Variants in ANKRD33B observed in about 807,000 individuals in gnomAD.
ANKRD33B encodes the protein ankyrin repeat domain-containing protein 33B.
In ANKRD33B, 6 loss-of-function variants were observed where a neutral mutation model predicts 21.5. The observed-to-expected ratio is 0.28, with a 90% CI of 0.15 to 0.55. ANKRD33B has a LOEUF of 0.55. Ranked by LOEUF, ANKRD33B falls within the 20% of genes least tolerant of loss-of-function variation. The pLI is 0.94. For synonymous variants in ANKRD33B, 347 were observed against 342.4 expected (o/e 1.01, Z -0.15); for missense variants, 698 against 747.2 (o/e 0.93, Z 0.77).
intron 2 of ANKRD33B, among the ~76,000 whole-genome samples, chr5:10,620,747 C>G (rs1107176): frequency 6.6e-6 from 1 of 152,046 alleles, no homozygotes; most frequent in African/African-American, 2.4e-5. Flanking sequence ...CTTGGTGTGT[C>G]CTATCAGGAC....
intron 2 of ANKRD33B, among the ~76,000 whole-genome samples, chr5:10,621,910 G>T (rs1560977256): frequency 6.6e-6 from 1 of 152,156 alleles, no homozygotes; most frequent in Admixed American, 6.5e-5. Flanking sequence ...TGAGAGTAGG[G>T]CCACCATGAT....
rs565737108 is a variant in ANKRD33B at position 10,587,005 on chromosome 5, A to T, written c.366+22172A>T. ...GTTTCCAATTTTAGTGATTTTATTT[A>T]TTATTTATTTATTTATTTATTTATT... On this transcript the variant is annotated intron_variant, in intron 1 of 3. Transcript: ENST00000296657. Among the ~76,000 whole-genome samples, 47 of 151,000 alleles carry T rather than the reference A, an allele frequency of 3.1e-4. 1 individual carries two copies. The highest frequency in any genetic ancestry group is 8.3e-4 in the South Asian group (4 of 4,798).
chr5:10,584,462 C>G (rs1357795742), intron 1 of ANKRD33B, among the ~76,000 whole-genome samples: 1 of 151,672 alleles, frequency 6.6e-6, no homozygotes, highest in Non-Finnish European at 1.5e-5. Context: ...AGGAGGATCA[C>G]TTGAGCTGGA....
chr5:10,643,932 T>A (rs909430033), intron 3 of ANKRD33B, among the ~76,000 whole-genome samples: 2 of 151,734 alleles, frequency 1.3e-5, no homozygotes, highest in Middle Eastern at 3.2e-3. Flanking sequence ...CATCTTCTAC[T>A]ATTACTACTA....
rs1248070377 is a variant in ANKRD33B, at chr5:10,649,602, A to T, written c.974A>T (p.Gln325Leu). The change falls in exon 4 of 4, where the codon CAG becomes CTG. Residue 325 changes from glutamine to leucine, a missense_variant. This residue lies in a region of ANKRD33B where 543 missense variants were observed against 566.5 expected (regional missense o/e 0.96). Transcript: ENST00000296657. ...LYSPAVAIVCQTVCPESPPSV... is the reference protein window; with the variant it reads ...LYSPAVAIVCLTVCPESPPSV... ...AGCCCCGCCGTGGCCATCGTGTGCC[A>T]GACCGTGTGCCCTGAGAGCCCTCCG... 6.5e-7 allele frequency: 1 copy of T among 1,530,492 alleles called. No homozygotes were observed. Among genetic ancestry groups the T allele is most frequent in the Non-Finnish European group, 8.7e-7 (1 of 1,144,244 alleles). 94.8% of individuals were successfully genotyped at this position (1,530,492 alleles called of 1,614,324 possible). A position where few individuals can be genotyped will look rare whatever the true frequency, so the allele number is the denominator to read the frequency against.
chr5:10,624,130 C>CTTTTTTTTTTTT (rs60575071), intron 2 of ANKRD33B, among the ~76,000 whole-genome samples: 4 of 134,312 alleles, frequency 3.0e-5, no homozygotes, highest in Non-Finnish European at 4.8e-5. Flanking sequence ...TCTTTCTTTT[C>CTTTTTTTTTTTT]TTTTTTTTTT....
intron 1 of ANKRD33B, among the ~76,000 whole-genome samples, chr5:10,613,990 CGT>C (rs59864065): frequency 0.067 from 9,536 of 141,354 alleles, 373 homozygotes; most frequent in Middle Eastern, 0.093. Flanking sequence ...CCAGAGAAAT[CGT>C]GTGTGTGTGT....
chr5:10,633,599 G>A (rs558859229), intron 2 of ANKRD33B, among the ~76,000 whole-genome samples: 1 of 152,288 alleles, frequency 6.6e-6, no homozygotes, highest in Admixed American at 6.5e-5. Flanking sequence ...TTCTTTATTC[G>A]GATTTCCTCA....
chr5:10,639,130 A>T (rs1736957365), intron 3 of ANKRD33B, among the ~76,000 whole-genome samples: 1 of 63,960 alleles, frequency 1.6e-5, no homozygotes, highest in African/African-American at 5.1e-5. Flanking sequence ...CGGCGATGTT[A>T]GCGGGTGACG....
rs1311345161 is a variant in ANKRD33B, at chr5:10,655,310, GGAAGAA to G, written c.*5198_*5203del. 6.6e-6 allele frequency: 1 copy of G among 152,308 alleles called. No homozygotes were observed. The highest frequency in any genetic ancestry group is 1.5e-5 in the Non-Finnish European group (1 of 68,044). 9.4% of individuals were successfully genotyped at this position (152,308 alleles called of 1,614,324 possible). Reference sequence around the variant, plus strand: ...AAAGCCTGCTGTTTTCAGGCTGTTGGGAAGAATCGTGCGTACCGAGTGATTATGATG... The same window carrying G: ...AAAGCCTGCTGTTTTCAGGCTGTTGGTCGTGCGTACCGAGTGATTATGATG... On this transcript the variant is annotated 3_prime_UTR_variant, in exon 4 of 4. Coordinates refer to ENST00000296657, the MANE Select transcript of ANKRD33B (RefSeq NM_001164440.2).
intron 2 of ANKRD33B, among the ~76,000 whole-genome samples, chr5:10,622,558 C>T (rs1736443709): frequency 6.6e-6 from 1 of 152,228 alleles, no homozygotes; most frequent in African/African-American, 2.4e-5. Flanking sequence ...ATGTTTTTCA[C>T]TGAGTCAGTG....
In ANKRD33B at chr5:10,641,889, A is replaced by G. The variant is rs142185299; in HGVS notation, c.637+3721A>G. 5.9e-5 allele frequency among the ~76,000 whole-genome samples: 9 copies of G among 152,338 alleles called. No homozygotes were observed. In the East Asian group the frequency reaches 1.7e-3, roughly 29 times the overall value. On this transcript the variant is annotated intron_variant, in intron 3 of 3. Coordinates refer to ENST00000296657, the MANE Select transcript of ANKRD33B (RefSeq NM_001164440.2). ...TTTTATTTTAAAAAAACGAGATATCAGTTTCAACAGAGTTTCGGCCCTGCC... is the reference window on the plus strand; with the variant it reads ...TTTTATTTTAAAAAAACGAGATATCGGTTTCAACAGAGTTTCGGCCCTGCC...
rs557352515 is a variant in ANKRD33B at position 10,619,297 on chromosome 5, G to A, written c.496+835G>A. 4 of 985,436 alleles carry A rather than the reference G, an allele frequency of 4.1e-6. No individual in the cohort carries two copies. The East Asian group carries it at 4.5e-4, about 112-fold the overall frequency. The allele number at this position is 985,436 out of a possible 1,614,324, so 61.0% of individuals were successfully genotyped here. A position where few individuals can be genotyped will look rare whatever the true frequency, so the allele number is the denominator to read the frequency against. The stretch of plus-strand genomic sequence containing the variant: ...ACAGGCGCTTGTGTGTTGAAGGAAG[G>A]AGGGGAAGCTTACACGGTTGTCGGG... On this transcript the variant is annotated intron_variant, in intron 2 of 3. Transcript: ENST00000296657. This position sits in a 1 kb window ranked among gnomAD's most constrained non-coding sequence, Gnocchi z 4.5.
intron 1 of ANKRD33B, among the ~76,000 whole-genome samples, chr5:10,597,693 A>G (rs1185978462): frequency 6.6e-6 from 1 of 152,190 alleles, no homozygotes; most frequent in South Asian, 2.1e-4. Context: ...GACCTCATAG[A>G]TATCTCCAGG....
At chr5:10,568,687 A>G (rs941929768) in intron 1 of ANKRD33B, among the ~76,000 whole-genome samples, 17 of 152,232 alleles carry the variant, frequency 1.1e-4, no homozygotes, top group African/African-American at 4.1e-4. Flanking sequence ...GGCGTGCGCC[A>G]CCACGCCCGG....
chr5:10,611,108 C>A (rs1438162768), intron 1 of ANKRD33B, among the ~76,000 whole-genome samples: 1 of 152,010 alleles, frequency 6.6e-6, no homozygotes, highest in African/African-American at 2.4e-5. Context: ...AATAAAAATT[C>A]AAAAGCAAAA....
At chr5:10,599,615 C>G (rs1239643232) in intron 1 of ANKRD33B, among the ~76,000 whole-genome samples, 1 of 152,154 alleles carries the variant, frequency 6.6e-6, no homozygotes, top group Non-Finnish European at 1.5e-5. Context: ...GGTAATATCA[C>G]TTAGCATGAT....
chr5:10,600,706 T>C (rs545978382), intron 1 of ANKRD33B, among the ~76,000 whole-genome samples: 2 of 152,326 alleles, frequency 1.3e-5, no homozygotes, highest in South Asian at 4.1e-4. Context: ...GCTCATAAGG[T>C]AGACATGTGT....
At chr5:10,571,341 A>G (rs1560959291) in intron 1 of ANKRD33B, among the ~76,000 whole-genome samples, 1 of 152,176 alleles carries the variant, frequency 6.6e-6, no homozygotes, top group Non-Finnish European at 1.5e-5. Flanking sequence ...AGCTGGGACT[A>G]CAGGCATGCG....
Sources: allele counts gnomAD v4.1 joint callset (sites outside exome capture counted in the v4.1 genomes callset), GRCh38; gene constraint gnomAD v4.1.1; regional missense constraint gnomAD v4.1.1; non-coding constraint Gnocchi (gnomAD v3.1); transcripts MANE v1.5; gene names NCBI Gene and HGNC (gene_info 2026-07-23, HGNC 2026-07-21).